Variants in ZRANB1 observed in about 807,000 individuals in gnomAD.
ZRANB1 encodes the protein zinc finger RANBP2-type containing 1.
ZRANB1 carries 16 observed loss-of-function variants against 80.5 expected under a neutral mutation model. The observed-to-expected ratio is 0.20, with a 90% confidence interval of 0.13 to 0.30. The LOEUF (loss-of-function observed/expected upper bound fraction) is 0.30. ZRANB1 is among the 10% of genes least tolerant of loss of function. ZRANB1 has a pLI of 1.00. For missense variants in ZRANB1, 576 were observed against 862.6 expected (o/e 0.67, Z 4.16); for synonymous variants, 291 against 293.1 (o/e 0.99, Z 0.07).
At chr10:124,963,979 G>C (rs879488449) in intron 1 of ZRANB1, among the ~76,000 whole-genome samples, 1 of 152,102 alleles carries the variant, frequency 6.6e-6, no homozygotes, top group Non-Finnish European at 1.5e-5. Flanking sequence ...GGAGAATTTC[G>C]TGCTGTCAAA....
intron 1 of ZRANB1, among the ~76,000 whole-genome samples, chr10:124,951,133 T>C (rs1382391753): frequency 6.6e-6 from 1 of 152,252 alleles, no homozygotes; most frequent in Admixed American, 6.5e-5. Flanking sequence ...CGTATATAGA[T>C]GGACATTTAC....
chr10:124,947,233 G>T (rs1951593052), intron 1 of ZRANB1, among the ~76,000 whole-genome samples: 1 of 152,190 alleles, frequency 6.6e-6, no homozygotes, highest in Non-Finnish European at 1.5e-5. Context: ...GGGTGGTAAA[G>T]GTAGAGGTGT....
At chr10:124,952,047 T>C (rs764925096) in intron 1 of ZRANB1, among the ~76,000 whole-genome samples, 1 of 152,206 alleles carries the variant, frequency 6.6e-6, no homozygotes, top group South Asian at 2.1e-4. Context: ...ACTTGCCCAT[T>C]GACTTCCTTA....
At chr10:124,936,866 C>T in the ZRANB1 span, among the ~76,000 whole-genome samples, 1 of 152,128 alleles carries the variant, frequency 6.6e-6, no homozygotes, top group Admixed American at 6.5e-5. Context: ...TAAATCTCCG[C>T]AGATTTATAT....
chr10:124,937,918 T>A (rs1419161714), upstream of ZRANB1, among the ~76,000 whole-genome samples: 2 of 152,184 alleles, frequency 1.3e-5, no homozygotes, highest in Non-Finnish European at 2.9e-5. Context: ...GTCTTAAGAG[T>A]AGCAGTTTTG....
intron 5 of ZRANB1, among the ~76,000 whole-genome samples, chr10:124,977,650 G>A (rs1357748570): frequency 2.0e-5 from 3 of 147,412 alleles, no homozygotes; most frequent in Middle Eastern, 3.2e-3. Context: ...GGTTGAGGCT[G>A]CACTGAGCCA....
At chr10:124,956,825 G>A (rs1280500137) in intron 1 of ZRANB1, among the ~76,000 whole-genome samples, 2 of 152,138 alleles carry the variant, frequency 1.3e-5, no homozygotes, top group African/African-American at 2.4e-5. Flanking sequence ...GGTTACAAGT[G>A]TAATATATTG....
chr10:124,924,910 GTTT>G, the ZRANB1 span, among the ~76,000 whole-genome samples: 1 of 141,226 alleles, frequency 7.1e-6, no homozygotes, highest in Non-Finnish European at 1.6e-5. Context: ...TCATTTTGCT[GTTT>G]TTTTTTTTTT....
At chr10:124,944,772 G>T in intron 1 of ZRANB1, among the ~76,000 whole-genome samples, 1 of 152,092 alleles carries the variant, frequency 6.6e-6, no homozygotes, top group East Asian at 1.9e-4. Context: ...GGGATTATAG[G>T]CATAATTTGC....
At chr10:124,935,534 T>C in the ZRANB1 span, among the ~76,000 whole-genome samples, 1 of 152,258 alleles carries the variant, frequency 6.6e-6, no homozygotes, top group African/African-American at 2.4e-5. Flanking sequence ...CTGTCTTCCA[T>C]TGCCTTCCAC....
At chr10:124,920,855 C>G in the ZRANB1 span, among the ~76,000 whole-genome samples, 1 of 151,992 alleles carries the variant, frequency 6.6e-6, no homozygotes, top group African/African-American at 2.4e-5. Context: ...TCTCTATACC[C>G]TGTATCTATC....
intron 1 of ZRANB1, among the ~76,000 whole-genome samples, chr10:124,952,556 A>G (rs1354561206): frequency 6.6e-6 from 1 of 152,234 alleles, no homozygotes; most frequent in African/African-American, 2.4e-5. Flanking sequence ...GGTTGTAATC[A>G]TTGTTTGAGC....
upstream of ZRANB1, among the ~76,000 whole-genome samples, chr10:124,941,020 C>A (rs549401539): frequency 1.3e-5 from 2 of 149,974 alleles, no homozygotes; most frequent in East Asian, 1.9e-4. Flanking sequence ...AACAAAAAAA[C>A]AAACAAACAA....
At chr10:124,941,028 C>A (rs567807409), upstream of ZRANB1, among the ~76,000 whole-genome samples, 130 of 151,708 alleles carry the variant, frequency 8.6e-4, no homozygotes, top group Middle Eastern at 3.4e-3. Flanking sequence ...AACAAACAAA[C>A]AAAAGATTTA....
At position 124,966,755 on chromosome 10, in the gene ZRANB1, G is replaced by A. The variant is rs1951780301; in HGVS notation, c.976G>A (p.Asp326Asn). Reference protein sequence around the residue: ...VHLAIRFQRQDMLAILLTEVS... With the variant: ...VHLAIRFQRQNMLAILLTEVS... ...CTTGGCTATACGTTTTCAGAGGCAG[G>A]ATATGCTAGCAATATTGCTTACAGA... is the stretch of plus-strand genomic sequence containing the variant. Residue 326 changes from aspartate (D) to asparagine (N), a missense_variant, in exon 2 of 9, where the codon GAT (aspartate) becomes AAT (asparagine). Transcript: ENST00000359653. 1 of 1,614,026 alleles carries A rather than the reference G, an allele frequency of 6.2e-7. No homozygotes were observed. Among genetic ancestry groups the A allele is most frequent in the East Asian group, 2.2e-5 (1 of 44,884 alleles).
intron 1 of ZRANB1, among the ~76,000 whole-genome samples, chr10:124,964,772 A>T (rs960246859): frequency 6.6e-6 from 1 of 152,228 alleles, no homozygotes; most frequent in Non-Finnish European, 1.5e-5. Context: ...GATGCTATGT[A>T]TACCTGAGAA....
In ZRANB1 at chr10:124,983,536, T is replaced by C; in HGVS notation, c.1756T>C (p.Phe586Leu). The change falls in exon 8 of 9, where the codon TTC (phenylalanine) becomes CTC (leucine). Residue 586 changes from phenylalanine to leucine, a missense_variant. Physicochemically the swap from Phe to Leu is conservative, Grantham distance 22. Transcript: ENST00000359653. The surrounding 1 kb of genome is among the most constrained non-coding windows in gnomAD (Gnocchi z 6.2). The part of the protein sequence containing the change: ...PIALGYTRGH[F>L]SALVAMENDG... Reference sequence around the variant, plus strand: ...TGCTCTGGGTTATACGAGGGGCCACTTCTCTGCTTTGGTTGCCATGGAAAA... The same window carrying C: ...TGCTCTGGGTTATACGAGGGGCCACCTCTCTGCTTTGGTTGCCATGGAAAA... The C allele has an allele frequency of 6.2e-7, 1 of 1,614,170 alleles. No individual in the cohort carries two copies. Among genetic ancestry groups the C allele is most frequent in the Non-Finnish European group, 8.5e-7 (1 of 1,180,034 alleles).
Position 124,942,459 on chromosome 10 carries a change from T to C in ZRANB1, c.-35T>C, listed in dbSNP as rs1951544457. The C allele has an allele frequency of 6.2e-7, 1 of 1,612,264 alleles. No individual in the cohort carries two copies. Among genetic ancestry groups the C allele is most frequent in the Non-Finnish European group, 8.5e-7 (1 of 1,178,602 alleles). ...AACCATGTCCTAATTATTTATAGCT[T>C]CCTGCCTGACACAGCTCACTTCAAG... On this transcript the variant is annotated 5_prime_UTR_variant, in exon 1 of 9. Transcript: ENST00000359653.
chr10:124,919,595 T>G, the ZRANB1 span, among the ~76,000 whole-genome samples: 1 of 151,376 alleles, frequency 6.6e-6, no homozygotes, highest in Non-Finnish European at 1.5e-5. Flanking sequence ...GGTTTTTTTT[T>G]TTTTCCTCCT....
Sources: allele counts gnomAD v4.1 joint callset (sites outside exome capture counted in the v4.1 genomes callset), GRCh38; gene constraint gnomAD v4.1.1; non-coding constraint Gnocchi (gnomAD v3.1); transcripts MANE v1.5; gene names NCBI Gene and HGNC (gene_info 2026-07-23, HGNC 2026-07-21).